RABL3: variants seen among roughly 807,000 people sequenced by gnomAD.
RABL3 encodes RAB, member of RAS oncogene family like 3, also known as rab-like protein 3.
RABL3 carries 31 observed loss-of-function variants against 31.8 expected under a neutral mutation model. The ratio of observed to expected loss-of-function variants is 0.97; its 90% CI spans 0.73 to 1.31. RABL3 has a LOEUF of 1.31. Ranked by LOEUF, RABL3 falls within the 40% of genes most tolerant of loss-of-function variation. The pLI, the probability that RABL3 is intolerant of heterozygous loss-of-function variation, is 0.00. For synonymous variants in RABL3, 97 were observed against 99.9 expected (o/e 0.97, Z 0.18); for missense variants, 263 against 279.6 (o/e 0.94, Z 0.42).
intron 2 of RABL3, among the ~76,000 whole-genome samples, chr3:120,720,307 C>T (rs1027243833): frequency 1.3e-5 from 2 of 152,226 alleles, no homozygotes; most frequent in African/African-American, 4.8e-5. Context: ...CGCAGCTCAT[C>T]ACCGACAATG....
At chr3:120,722,555 T>G (rs1325595639) in intron 2 of RABL3, 1 of 152,182 alleles carries the variant, frequency 6.6e-6, no homozygotes, top group Non-Finnish European at 1.5e-5. Flanking sequence ...ATCATCTTCC[T>G]ATTCAGCTTC....
chr3:120,692,339 C>T (rs1708390141), intron 6 of RABL3, among the ~76,000 whole-genome samples: 1 of 152,104 alleles, frequency 6.6e-6, no homozygotes, highest in Admixed American at 6.6e-5. Context: ...GCTGGGACTA[C>T]AGGCGCCCGC....
At chr3:120,721,240 C>T (rs558936884) in intron 2 of RABL3, among the ~76,000 whole-genome samples, 16 of 152,226 alleles carry the variant, frequency 1.1e-4, no homozygotes, top group South Asian at 1.0e-3. Flanking sequence ...CATGCCAAAG[C>T]GTAAAGACCA....
chr3:120,738,141 C>T (rs1324972860), intron 1 of RABL3, among the ~76,000 whole-genome samples: 4 of 152,220 alleles, frequency 2.6e-5, no homozygotes, highest in South Asian at 2.1e-4. Flanking sequence ...CCTTGAGCTG[C>T]GGTGGGCTCC....
chr3:120,730,651 A>G (rs1313128624), intron 2 of RABL3, 45 bp downstream of exon 2: 1 of 1,242,472 alleles, frequency 8.0e-7, no homozygotes, highest in Middle Eastern at 1.9e-4. Flanking sequence ...TGAAGCAGTT[A>G]TCTTTAGTAC....
chr3:120,740,687 C>CA (rs1290793671), intron 1 of RABL3, among the ~76,000 whole-genome samples: 1 of 152,194 alleles, frequency 6.6e-6, no homozygotes, highest in African/African-American at 2.4e-5. Context: ...TCTAAACTGT[C>CA]AGACTGTGTA....
intron 2 of RABL3, among the ~76,000 whole-genome samples, chr3:120,727,669 C>G (rs1431705798): frequency 6.6e-6 from 1 of 151,950 alleles, no homozygotes; most frequent in East Asian, 1.9e-4. Context: ...GACAATCTTT[C>G]CAATGAATTT....
chr3:120,693,505 G>A (rs1291992158), intron 6 of RABL3, among the ~76,000 whole-genome samples: 1 of 152,190 alleles, frequency 6.6e-6, no homozygotes, highest in Non-Finnish European at 1.5e-5. Flanking sequence ...ACTATGCAAT[G>A]TGAGCATTGG....
intron 2 of RABL3, among the ~76,000 whole-genome samples, chr3:120,710,839 C>G (rs1358698801): frequency 2.0e-5 from 3 of 152,088 alleles, no homozygotes; most frequent in Non-Finnish European, 4.4e-5. Flanking sequence ...TTTCCTTTTC[C>G]TTTTCACAGC....
rs966797685 is a variant in RABL3, at chr3:120,698,555, C to A, written c.402G>T (p.Gln134His). 1.2e-6 allele frequency: 2 copies of A among 1,611,708 alleles called. No homozygotes were observed. Among genetic ancestry groups the A allele is most frequent in the Non-Finnish European group, 1.7e-6 (2 of 1,178,432 alleles). ...LVTNGDYDQEQFADNQIPLLV... is the reference protein window; with the variant it reads ...LVTNGDYDQEHFADNQIPLLV... ...ACAGTGGTATTTGGTTATCAGCAAACTGTTCTTGATCATAATCCCTGTGAT... is the reference window on the plus strand; with the variant it reads ...ACAGTGGTATTTGGTTATCAGCAAAATGTTCTTGATCATAATCCCTGTGAT... Residue 134 changes from glutamine to histidine, a missense_variant, in exon 5 of 8, where the codon CAG (glutamine) becomes CAT (histidine). Coordinates refer to ENST00000273375, the MANE Select transcript of RABL3 (RefSeq NM_173825.5).
At chr3:120,704,537 C>G (rs1011339968) in intron 4 of RABL3, among the ~76,000 whole-genome samples, 5 of 152,230 alleles carry the variant, frequency 3.3e-5, no homozygotes, top group Admixed American at 1.3e-4. Flanking sequence ...TCTTATCACT[C>G]CTAGTTAGTA....
At chr3:120,735,415 T>A (rs944129794) in intron 1 of RABL3, among the ~76,000 whole-genome samples, 3 of 149,406 alleles carry the variant, frequency 2.0e-5, no homozygotes, top group African/African-American at 7.3e-5. Context: ...TTTTATTGCG[T>A]CTGTTTGATT....
intron 1 of RABL3, 39 bp downstream of exon 1, chr3:120,742,421 CAA>C (rs1709057414): frequency 1.2e-6 from 2 of 1,603,142 alleles, no homozygotes; most frequent in South Asian, 1.1e-5. Flanking sequence ...CTGGGTAACT[CAA>C]AAGTGTCTGG....
chr3:120,732,486 T>C (rs1001674695), intron 1 of RABL3, among the ~76,000 whole-genome samples: 1 of 152,208 alleles, frequency 6.6e-6, no homozygotes, highest in African/African-American at 2.4e-5. Flanking sequence ...CTTAAAAAAA[T>C]GATGCCATCT....
chr3:120,724,165 A>C (rs1189199757), intron 2 of RABL3, among the ~76,000 whole-genome samples: 1 of 152,258 alleles, frequency 6.6e-6, no homozygotes, highest in East Asian at 1.9e-4. Flanking sequence ...ACAGACAAAA[A>C]GAGAGCCAAA....
Position 120,730,546 on chromosome 3 carries a change from C to T in RABL3, c.138+150G>A, listed in dbSNP as rs1269822348. 4.6e-5 allele frequency: 26 copies of T among 565,580 alleles called. No individual in the cohort carries two copies. In the East Asian group the frequency reaches 7.9e-4, roughly 17 times the overall value. 35.0% of individuals were successfully genotyped at this position (565,580 alleles called of 1,614,324 possible). On this transcript the variant is annotated intron_variant, in intron 2 of 7. Coordinates refer to ENST00000273375, the MANE Select transcript of RABL3 (RefSeq NM_173825.5). ...GTGAAATAAGAAGGGACATGTAAAG[C>T]AACTGGCATAGTACCTGGCACATAG... is the stretch of plus-strand genomic sequence containing the variant.
chr3:120,706,646 C>T (rs1047404924), intron 3 of RABL3, among the ~76,000 whole-genome samples: 23 of 117,118 alleles, frequency 2.0e-4, no homozygotes, highest in African/African-American at 6.0e-4. Context: ...AAAATAGTGT[C>T]CTGTAGATCA....
Position 120,704,228 on chromosome 3 carries a change from T to C in RABL3, c.383+1772A>G, listed in dbSNP as rs374924183. Among the ~76,000 whole-genome samples the C allele has an allele frequency of 8.0e-4, 122 of 152,192 alleles. 1 individual carries two copies. Among genetic ancestry groups the C allele is most frequent in the African/African-American group, 2.8e-3 (118 of 41,524 alleles). The stretch of plus-strand genomic sequence containing the variant: ...CCATGACCAAGGAATGGAAGGCTGG[T>C]TCAATATTTGAAAATCAGTGAATGT... On this transcript the variant is annotated intron_variant, in intron 4 of 7. Coordinates refer to ENST00000273375, the MANE Select transcript of RABL3 (RefSeq NM_173825.5).
chr3:120,702,803 C>T (rs1168234228), intron 4 of RABL3, among the ~76,000 whole-genome samples: 1 of 152,080 alleles, frequency 6.6e-6, no homozygotes, highest in Non-Finnish European at 1.5e-5. Flanking sequence ...ATGATCCGCC[C>T]GCCTTGGCCT....
Sources: allele counts gnomAD v4.1 joint callset (sites outside exome capture counted in the v4.1 genomes callset), GRCh38; gene constraint gnomAD v4.1.1; transcripts MANE v1.5; gene names NCBI Gene and HGNC (gene_info 2026-07-23, HGNC 2026-07-21).